ZMYM3: variants seen among roughly 807,000 people sequenced by gnomAD.
ZMYM3 encodes zinc finger MYM-type containing 3, also known as zinc finger MYM-type protein 3.
ZMYM3 carries 6 observed loss-of-function variants against 94.2 expected under a neutral mutation model. That is an observed-to-expected ratio of 0.06 (90% CI 0.03 to 0.13). The LOEUF (loss-of-function observed/expected upper bound fraction) is 0.13. ZMYM3 is among the 10% of genes least tolerant of loss of function. The probability of loss-of-function intolerance (pLI) is 1.00; values close to 1 mark genes in which losing one functional copy is unlikely to be tolerated. For missense variants in ZMYM3, 664 were observed against 1,132.6 expected (o/e 0.59, Z 5.94); for synonymous variants, 420 against 426.5 (o/e 0.98, Z 0.19).
Position 71,253,023 on chromosome X carries a change from T to C in ZMYM3, c.233A>G (p.Glu78Gly). The change falls in exon 2 of 25, where the codon GAG (glutamate) becomes GGG (glycine). Residue 78 changes from glutamate (E) to glycine (G), a missense_variant. By Grantham distance (98) the Glu-to-Gly change is moderately conservative (BLOSUM62 -2). Around this residue, in one of 9 missense-constraint regions of ZMYM3, gnomAD observed 196 missense variants for 190.8 expected, o/e 1.03. Transcript: ENST00000314425. ...GAGCAGCCCCCCCAGCCCCAGCAAC[T>C]CAGTGGCTCCATCCAGGACTCCAGG... ...KDPGVLDGAT[E>G]LLGLGGLLYK... The C allele has an allele frequency of 8.3e-7, 1 of 1,205,285 alleles. No individual in the cohort carries two copies. Among genetic ancestry groups the C allele is most frequent in the Non-Finnish European group, 1.1e-6 (1 of 892,417 alleles).
Position 71,246,468 on chromosome X carries a change from T to TGG in ZMYM3, c.2455_2456dup (p.Pro820HisfsTer20). ...GGGGTGTTGCTGGGGGTGGTGGGGG[T>TGG]GGAGGGGTGGGAGCAGTGGGAGCTG... is the stretch of plus-strand genomic sequence containing the variant. On this transcript the variant is annotated frameshift_variant, in exon 15 of 25. Transcript: ENST00000314425. LOFTEE classifies it high-confidence loss of function. 1 of 115,349 alleles carries TGG rather than the reference T, an allele frequency of 8.7e-6. No individual in the cohort carries two copies. The highest frequency in any genetic ancestry group is 1.2e-5 in the Non-Finnish European group (1 of 84,681). The allele number at this position is 115,349 out of a possible 1,213,427, so 9.5% of individuals were successfully genotyped here.
chrX:71,239,752 A>G lies in ZMYM3; in HGVS notation c.*1164T>C, dbSNP rs972134398. ...GGGACAGGCCAGGCGCCTCAGAACA[A>G]TATATACAATTTAAACAGTGGCTAA... On this transcript the variant is annotated 3_prime_UTR_variant, in exon 25 of 25. Coordinates refer to ENST00000314425, the MANE Select transcript of ZMYM3 (RefSeq NM_201599.3). 1 of 113,036 alleles carries G rather than the reference A, an allele frequency of 8.8e-6. No individual in the cohort carries two copies. Among genetic ancestry groups the G allele is most frequent in the Non-Finnish European group, 1.9e-5 (1 of 53,344 alleles). 9.3% of individuals were successfully genotyped at this position (113,036 alleles called of 1,213,427 possible).
Position 71,247,421 on chromosome X carries a change from C to A in ZMYM3, c.2238G>T (p.Gln746His). 8.3e-7 allele frequency: 1 copy of A among 1,209,638 alleles called. No homozygotes were observed. Among genetic ancestry groups the A allele is most frequent in the Non-Finnish European group, 1.1e-6 (1 of 894,303 alleles). ...GCTGGCTATAGAAACGCAGAAGACA[C>A]TGCTGGTTGCAGAAATGACGGATCT... is the stretch of plus-strand genomic sequence containing the variant. ...RGQIRHFCNQ[Q>H]CLLRFYSQQN... Residue 746 changes from glutamine (Q) to histidine (H), a missense_variant, in exon 13 of 25, where the codon CAG (glutamine) becomes CAT (histidine). Physicochemically the swap from Gln to His is conservative, Grantham distance 24. Around this residue, in one of 9 missense-constraint regions of ZMYM3, gnomAD observed 159 missense variants for 313.0 expected, o/e 0.51. Coordinates refer to ENST00000314425, the MANE Select transcript of ZMYM3 (RefSeq NM_201599.3).
At chrX:71,242,819 CT>C (rs1357463004) in intron 22 of ZMYM3, 150 bp downstream of exon 22, 2 of 518,081 alleles carry the variant, frequency 3.9e-6, no homozygotes, top group African/African-American at 4.8e-5. Context: ...TCCTGTGCTC[CT>C]TTAACTCTAA....
Position 71,244,479 on chromosome X carries a change from G to T in ZMYM3, c.3112-9C>A. ...ACCAGCCGCTTTTGACCCTGGAGGG[G>T]AAGAGAAAGCAGGGGCATGGCAGAG... is the stretch of plus-strand genomic sequence containing the variant. On this transcript the variant is annotated splice_polypyrimidine_tract_variant and intron_variant, in intron 19 of 24. Transcript: ENST00000314425. The T allele has an allele frequency of 8.3e-7, 1 of 1,209,393 alleles. No homozygotes were observed. Among genetic ancestry groups the T allele is most frequent in the Non-Finnish European group, 1.1e-6 (1 of 894,204 alleles).
At chrX:71,241,822 C>G (rs1399700966) in intron 23 of ZMYM3, among the ~76,000 whole-genome samples, 1 of 111,313 alleles carries the variant, frequency 9.0e-6, no homozygotes, top group Non-Finnish European at 1.9e-5. Context: ...TTGTTAGACC[C>G]GATAGCAAAG....
chrX:71,246,279 C>T, intron 15 of ZMYM3, 74 bp downstream of exon 15: 8 of 1,178,845 alleles, frequency 6.8e-6, no homozygotes, highest in Admixed American at 6.6e-5. Context: ...TCCCCTTGTC[C>T]AGCTCACGGA....
chrX:71,253,958 AC>A (rs2030639495), intron 1 of ZMYM3, 70 bp downstream of exon 1: 1 of 102,578 alleles, frequency 9.7e-6, no homozygotes, highest in African/African-American at 3.6e-5. Context: ...AGACCCCCCC[AC>A]CACCGCCTCC....
At chrX:71,248,919 G>A (rs997955674) in intron 8 of ZMYM3, 100 bp downstream of exon 8, 1 of 1,138,753 alleles carries the variant, frequency 8.8e-7, no homozygotes, top group East Asian at 3.1e-5. Context: ...AGATGTGGTT[G>A]GGACTGAGGT....
At chrX:71,251,659 C>G (rs777624413) in intron 2 of ZMYM3, 58 bp from the exon 3 acceptor site, 36 of 1,106,890 alleles carry the variant, frequency 3.3e-5, no homozygotes, top group African/African-American at 7.5e-5. Context: ...ACCCTCTCCC[C>G]GGCCCAACCC....
chrX:71,244,777 GC>G lies in ZMYM3; in HGVS notation c.3111+12del. ...CCATTCTTCTTTTGTACATACAGTAGCCCCAGCCCTACCTTCCTCATGGTTC... is the reference window on the plus strand; with the variant it reads ...CCATTCTTCTTTTGTACATACAGTAGCCCAGCCCTACCTTCCTCATGGTTC... On this transcript the variant is annotated intron_variant, in intron 19 of 24. Transcript: ENST00000314425. 1 of 1,181,482 alleles carries G rather than the reference GC, an allele frequency of 8.5e-7. No homozygotes were observed. Among genetic ancestry groups the G allele is most frequent in the Non-Finnish European group, 1.1e-6 (1 of 872,181 alleles).
In ZMYM3 at chrX:71,246,394, A is replaced by G; in HGVS notation, c.2531T>C (p.Val844Ala). The G allele has an allele frequency of 1.9e-6, 2 of 1,036,444 alleles. No homozygotes were observed. Among genetic ancestry groups the G allele is most frequent in the South Asian group, 3.7e-5 (2 of 54,609 alleles). 85.4% of individuals were successfully genotyped at this position (1,036,444 alleles called of 1,213,427 possible). Residue 844 changes from valine (V) to alanine (A), a missense_variant, in exon 15 of 25, where the codon GTC (valine) becomes GCC (alanine). Physicochemically the swap from Val to Ala is moderately conservative, Grantham distance 64. This residue lies in a region of ZMYM3 where 57 missense variants were observed against 52.0 expected (regional missense o/e 1.10). Coordinates refer to ENST00000314425, the MANE Select transcript of ZMYM3 (RefSeq NM_201599.3). ...GGACTTCATCTCCACCTTGCAGGAG[A>G]CGCCCCGATTCTGCATCAGTGGCTT... Reference protein sequence around the residue: ...MCKPLMQNRGVSCKVEMKSKG... With the variant: ...MCKPLMQNRGASCKVEMKSKG...
chrX:71,250,647 G>A lies in ZMYM3; in HGVS notation c.858C>T (p.Arg286=). 8.3e-7 allele frequency: 1 copy of A among 1,210,089 alleles called. No homozygotes were observed. Residue 286 remains arginine, a synonymous_variant, in exon 5 of 25, where the codon CGC becomes CGT. Transcript: ENST00000314425. The part of the protein sequence containing the change: ...DEDFVPFRPR[R]SPRMSLRSSV... ...TTGAGCGTAGGGACATGCGAGGAGA[G>A]CGCCGGGGCCGGAATGGCACAAAGT...
intron 21 of ZMYM3, 73 bp downstream of exon 21, chrX:71,243,756 C>T: frequency 8.5e-7 from 1 of 1,174,452 alleles, no homozygotes; most frequent in Non-Finnish European, 1.2e-6. Context: ...GTGCCTAACC[C>T]AGAATCATTT....
chrX:71,249,355 T>C (rs2030337681), intron 7 of ZMYM3, 106 bp downstream of exon 7: 1 of 1,126,877 alleles, frequency 8.9e-7, no homozygotes, highest in Non-Finnish European at 1.2e-6. Context: ...ACCCCCTTTA[T>C]TTGTTTTATT....
chrX:71,241,850 C>G (rs777782504), intron 23 of ZMYM3, among the ~76,000 whole-genome samples: 2 of 111,784 alleles, frequency 1.8e-5, no homozygotes, highest in South Asian at 7.6e-4. Flanking sequence ...GAAAGCCTGT[C>G]ATTCTACCCT....
At position 71,252,877 on chromosome X, in the gene ZMYM3, C is replaced by T. The variant is rs371937076; in HGVS notation, c.379G>A (p.Asp127Asn). 38 of 1,208,602 alleles carry T rather than the reference C, an allele frequency of 3.1e-5. No homozygotes were observed. Among genetic ancestry groups the T allele is most frequent in the African/African-American group, 5.2e-5 (3 of 57,365 alleles). ...GGQTPEVVPP[D>N]PGAGANSCSP... Reference sequence around the variant, plus strand: ...CAGGAATTTGCCCCAGCCCCTGGATCAGGTGGTACCACCTCAGGGGTCTGG... The same window carrying T: ...CAGGAATTTGCCCCAGCCCCTGGATTAGGTGGTACCACCTCAGGGGTCTGG... The change falls in exon 2 of 25, where the codon GAT becomes AAT. Residue 127 changes from aspartate to asparagine, a missense_variant. Asp to Asn is a conservative substitution (Grantham distance 23). Coordinates refer to ENST00000314425, the MANE Select transcript of ZMYM3 (RefSeq NM_201599.3).
In ZMYM3 at chrX:71,244,802, T is replaced by C. The variant is rs764179211; in HGVS notation, c.3099A>G (p.Arg1033=). 8.3e-7 allele frequency: 1 copy of C among 1,203,952 alleles called. No homozygotes were observed. Among genetic ancestry groups the C allele is most frequent in the East Asian group, 3.0e-5 (1 of 33,819 alleles). The part of the protein sequence containing the change: ...EDVSTEQDLP[R]TMRKGQKRLV... ...GCCCCAGCCCTACCTTCCTCATGGTTCGGGGAAGGTCTTGTTCAGTAGACA... is the reference window on the plus strand; with the variant it reads ...GCCCCAGCCCTACCTTCCTCATGGTCCGGGGAAGGTCTTGTTCAGTAGACA... The change falls in exon 19 of 25, where the codon CGA becomes CGG. Residue 1033 remains arginine (R), a synonymous_variant. Coordinates refer to ENST00000314425, the MANE Select transcript of ZMYM3 (RefSeq NM_201599.3).
At chrX:71,253,378 T>C (rs541285930) in intron 1 of ZMYM3, 104 bp from the exon 2 acceptor site, 90 of 640,812 alleles carry the variant, frequency 1.4e-4, no homozygotes, top group Non-Finnish European at 1.9e-4. Flanking sequence ...GGATTTCTCA[T>C]GAGCAGCCCC....
Sources: gnomAD v4.1 joint callset for allele counts (sites outside exome capture counted in the v4.1 genomes callset) on GRCh38, gnomAD v4.1.1 for gene constraint, gnomAD v4.1.1 regional missense constraint, MANE v1.5 for transcripts, NCBI Gene and HGNC (gene_info 2026-07-23, HGNC 2026-07-21) for gene names.